ZNF48: variants seen among roughly 807,000 people sequenced by gnomAD.
The protein encoded by ZNF48 is zinc finger protein 553.
In ZNF48, 20 loss-of-function variants were observed where a neutral mutation model predicts 40.0. That is an observed-to-expected ratio of 0.50 (90% confidence interval 0.35 to 0.73). The LOEUF is 0.73. Ranked by LOEUF, ZNF48 falls within the 30% of genes least tolerant of loss-of-function variation. ZNF48 has a pLI of 0.01. For missense variants in ZNF48, 726 were observed against 851.9 expected (o/e 0.85, Z 1.84); for synonymous variants, 298 against 329.7 (o/e 0.90, Z 1.04).
upstream of ZNF48, among the ~76,000 whole-genome samples, chr16:30,393,295 T>C (rs530251180): frequency 6.6e-6 from 1 of 151,886 alleles, no homozygotes; most frequent in South Asian, 2.1e-4. Flanking sequence ...CAGGCTGGTC[T>C]GGAACTCCTG....
At position 30,398,376 on chromosome 16, in the gene ZNF48, C is replaced by T. The variant is rs771102630; in HGVS notation, c.1126C>T (p.Arg376Cys). 2.5e-6 allele frequency: 4 copies of T among 1,612,966 alleles called. No individual in the cohort carries two copies. Among genetic ancestry groups the T allele is most frequent in the Admixed American group, 1.7e-5 (1 of 59,966 alleles). ...RTFSLSSTLL[R>C]HRLTHMEPQD... ...CTTCAGCCTCAGCTCCACCCTTCTT[C>T]GCCACCGCCTCACTCACATGGAGCC... is the stretch of plus-strand genomic sequence containing the variant. The change falls in exon 3 of 3, where the codon CGC becomes TGC. Residue 376 changes from arginine (R) to cysteine (C), a missense_variant. Arg to Cys is a radical substitution (Grantham distance 180, BLOSUM62 -3). Coordinates refer to ENST00000613509, the MANE Select transcript of ZNF48 (RefSeq NM_001214909.2). This position sits in a 1 kb window ranked among gnomAD's most constrained non-coding sequence, Gnocchi z 6.6.
rs746889500 is a variant in ZNF48 at position 30,398,981 on chromosome 16, C to T, written c.1731C>T (p.Gly577=). The T allele has an allele frequency of 3.7e-6, 6 of 1,613,904 alleles. No individual in the cohort carries two copies. In the East Asian group the frequency reaches 1.1e-4, roughly 30 times the overall value. Residue 577 remains glycine, a synonymous_variant, in exon 3 of 3, where the codon GGC becomes GGT. Coordinates refer to ENST00000613509, the MANE Select transcript of ZNF48 (RefSeq NM_001214909.2). This position sits in a 1 kb window ranked among gnomAD's most constrained non-coding sequence, Gnocchi z 6.6. The part of the protein sequence containing the change: ...GEKPYKCAEC[G]KGFGDSSARI... ...AGCCATACAAGTGTGCAGAGTGTGG[C>T]AAGGGTTTTGGTGACAGTTCTGCCC...
At chr16:30,395,360 C>A (rs964401901), upstream of ZNF48, 1 of 451,856 alleles carries the variant, frequency 2.2e-6, no homozygotes, top group Non-Finnish European at 4.4e-6. This position sits in a 1 kb window ranked among gnomAD's most constrained non-coding sequence, Gnocchi z 5.9. Flanking sequence ...CCCCCACAGG[C>A]CCGCAGCTCC....
Position 30,382,076 on chromosome 16 carries a change from G to A in ZNF48, c.-16+3666G>A. 1 of 1,577,618 alleles carries A rather than the reference G, an allele frequency of 6.3e-7. No individual in the cohort carries two copies. On this transcript the variant is annotated intron_variant, in intron 1 of 2. Transcript: ENST00000528032. The surrounding 1 kb of genome is among the most constrained non-coding windows in gnomAD (Gnocchi z 4.8). ...GGGACAGGGGCTACTGCCTCAAGAG[G>A]GTGGGGAGGGTCTTACCACTGGCCT...
chr16:30,379,486 C>A (rs1248165761), intron 1 of ZNF48: 4 of 1,613,842 alleles, frequency 2.5e-6, no homozygotes, highest in Non-Finnish European at 2.5e-6. Flanking sequence ...CGGTTCCCGC[C>A]ATCCCTCACC....
At chr16:30,380,163 G>T in intron 1 of ZNF48, 1 of 636,708 alleles carries the variant, frequency 1.6e-6, no homozygotes, top group South Asian at 2.3e-5. Flanking sequence ...GACAGAGATG[G>T]GGAGAGATGG....
chr16:30,382,235 G>A lies in ZNF48; in HGVS notation c.-16+3825G>A, dbSNP rs2049859901. Reference sequence around the variant, plus strand: ...GGAGGGGACAGCCAGGGCCTCCTAAGGACATCCCCTCCGCAGTTCCCTCTC... The same window carrying A: ...GGAGGGGACAGCCAGGGCCTCCTAAAGACATCCCCTCCGCAGTTCCCTCTC... On this transcript the variant is annotated intron_variant, in intron 1 of 2. Transcript: ENST00000528032. The surrounding 1 kb of genome is among the most constrained non-coding windows in gnomAD (Gnocchi z 4.8). 2 of 1,612,962 alleles carry A rather than the reference G, an allele frequency of 1.2e-6. No individual in the cohort carries two copies. Among genetic ancestry groups the A allele is most frequent in the African/African-American group, 2.7e-5 (2 of 75,004 alleles).
At chr16:30,386,399 G>A (rs1371837832) in intron 1 of ZNF48, among the ~76,000 whole-genome samples, 1 of 152,036 alleles carries the variant, frequency 6.6e-6, no homozygotes, top group Non-Finnish European at 1.5e-5. Context: ...TGGGCCGGGA[G>A]TGGTGGCTCA....
intron 1 of ZNF48, among the ~76,000 whole-genome samples, chr16:30,383,469 G>A (rs1307477324): frequency 3.9e-5 from 6 of 152,188 alleles, no homozygotes; most frequent in East Asian, 1.9e-4. Context: ...GATTACGGGC[G>A]TGAGCCACCA....
chr16:30,390,384 A>C (rs966691841), intron 1 of ZNF48, among the ~76,000 whole-genome samples: 1 of 152,094 alleles, frequency 6.6e-6, no homozygotes, highest in African/African-American at 2.4e-5. Flanking sequence ...GGAACAAATG[A>C]ATAAACTTAC....
At position 30,399,414 on chromosome 16, in the gene ZNF48, C is replaced by T. The variant is rs1202804910; in HGVS notation, c.*307C>T. ...TCACCTAAGGACTCAACCCTAAATT[C>T]CTGCTGCCTCATCTGTTAAGAACTG... On this transcript the variant is annotated 3_prime_UTR_variant, in exon 3 of 3. Coordinates refer to ENST00000613509, the MANE Select transcript of ZNF48 (RefSeq NM_001214909.2). The T allele has an allele frequency of 3.8e-6, 1 of 260,958 alleles. No individual in the cohort carries two copies. Among genetic ancestry groups the T allele is most frequent in the African/African-American group, 2.2e-5 (1 of 45,292 alleles). 16.2% of individuals were successfully genotyped at this position (260,958 alleles called of 1,614,324 possible).
chr16:30,382,318 G>A lies in ZNF48; in HGVS notation c.-16+3908G>A. The A allele has an allele frequency of 6.2e-7, 1 of 1,613,860 alleles. No individual in the cohort carries two copies. The highest frequency in any genetic ancestry group is 8.5e-7 in the Non-Finnish European group (1 of 1,179,846). ...AGTCAAACCCCTTCTTGACAGACTTGCGGTGCAGCTGGTTGGGGAGGGCAG... is the reference window on the plus strand; with the variant it reads ...AGTCAAACCCCTTCTTGACAGACTTACGGTGCAGCTGGTTGGGGAGGGCAG... On this transcript the variant is annotated intron_variant, in intron 1 of 2. Coordinates refer to the ZNF48 transcript ENST00000528032. This position sits in a 1 kb window ranked among gnomAD's most constrained non-coding sequence, Gnocchi z 4.8.
intron 1 of ZNF48, among the ~76,000 whole-genome samples, chr16:30,385,703 C>A (rs779459885): frequency 4.2e-4 from 64 of 152,178 alleles, no homozygotes; most frequent in Non-Finnish European, 1.0e-4. Flanking sequence ...CCAATTCCCA[C>A]CTATCCTTCA....
upstream of ZNF48, among the ~76,000 whole-genome samples, chr16:30,393,411 G>T (rs2049956434): frequency 6.7e-6 from 1 of 149,522 alleles, no homozygotes; most frequent in Non-Finnish European, 1.5e-5. Flanking sequence ...TTGAGACGCA[G>T]TCTGACTCTG....
In ZNF48 at chr16:30,399,213, AAAGGGGAGG is replaced by A. The variant is rs1162044486; in HGVS notation, c.*110_*118del. The A allele has an allele frequency of 6.5e-6, 7 of 1,071,956 alleles. No individual in the cohort carries two copies. Among genetic ancestry groups the A allele is most frequent in the Non-Finnish European group, 9.2e-6 (7 of 761,946 alleles). The allele number at this position is 1,071,956 out of a possible 1,614,324, so 66.4% of individuals were successfully genotyped here. A position where few individuals can be genotyped will look rare whatever the true frequency, so the allele number is the denominator to read the frequency against. On this transcript the variant is annotated 3_prime_UTR_variant, in exon 3 of 3. Coordinates refer to ENST00000613509, the MANE Select transcript of ZNF48 (RefSeq NM_001214909.2). Reference sequence around the variant, plus strand: ...TGGTGGGAGGGAGAAGGAAGGGAAGAAAGGGGAGGAAGAATAGATAGAAATAGGGATTGG... The same window carrying A: ...TGGTGGGAGGGAGAAGGAAGGGAAGAAAGAATAGATAGAAATAGGGATTGG...
In ZNF48 at chr16:30,381,664, T is replaced by A; in HGVS notation, c.-16+3254T>A. ...GTGGCCCTCTGAAACAGACACCACC[T>A]TTTGAGATAGGGAGCCAGCACAAAC... is the stretch of plus-strand genomic sequence containing the variant. On this transcript the variant is annotated intron_variant, in intron 1 of 2. Coordinates refer to the ZNF48 transcript ENST00000528032. The surrounding 1 kb of genome is among the most constrained non-coding windows in gnomAD (Gnocchi z 4.3). 6.4e-7 allele frequency: 1 copy of A among 1,554,080 alleles called. No individual in the cohort carries two copies. The highest frequency in any genetic ancestry group is 8.7e-7 in the Non-Finnish European group (1 of 1,148,408).
chr16:30,394,031 T>C (rs961866035), upstream of ZNF48, among the ~76,000 whole-genome samples: 7 of 140,342 alleles, frequency 5.0e-5, no homozygotes, highest in Non-Finnish European at 9.4e-5. Flanking sequence ...TCTCTCTCTC[T>C]TTTTTTTTTT....
rs1449080489 is a variant in ZNF48, at chr16:30,382,509, G to A, written c.-16+4099G>A. ...TGGGGGCCGAGATGCCCAGGTTTCT[G>A]GGTGTAAGGACTCACCATGACTCCG... On this transcript the variant is annotated intron_variant, in intron 1 of 2. Transcript: ENST00000528032. This position sits in a 1 kb window ranked among gnomAD's most constrained non-coding sequence, Gnocchi z 4.8. 6.3e-7 allele frequency: 1 copy of A among 1,597,282 alleles called. No individual in the cohort carries two copies. Among genetic ancestry groups the A allele is most frequent in the Non-Finnish European group, 8.5e-7 (1 of 1,172,134 alleles).
In ZNF48 at chr16:30,399,362, A is replaced by G. The variant is rs556944600; in HGVS notation, c.*255A>G. ...CTGCCTAGCACACAGTAGGCATTCA[A>G]TACTTGTTGAATAAATAAACTGGCT... On this transcript the variant is annotated 3_prime_UTR_variant, in exon 3 of 3. Coordinates refer to ENST00000613509, the MANE Select transcript of ZNF48 (RefSeq NM_001214909.2). 7 of 407,614 alleles carry G rather than the reference A, an allele frequency of 1.7e-5. No homozygotes were observed. The highest frequency in any genetic ancestry group is 8.0e-5 in the African/African-American group (4 of 49,840). 25.2% of individuals were successfully genotyped at this position (407,614 alleles called of 1,614,324 possible).
Sources: allele counts gnomAD v4.1 joint callset (sites outside exome capture counted in the v4.1 genomes callset), GRCh38; gene constraint gnomAD v4.1.1; non-coding constraint Gnocchi (gnomAD v3.1); transcripts MANE v1.5; gene names NCBI Gene and HGNC (gene_info 2026-07-23, HGNC 2026-07-21).